XRCC5: variants seen among roughly 807,000 people sequenced by gnomAD.
XRCC5 encodes X-ray repair cross complementing 5, also known as DNA repair protein Ku80.
In XRCC5, 12 loss-of-function variants were observed where a neutral mutation model predicts 95.7. That is an observed-to-expected ratio of 0.13 (90% confidence interval 0.08 to 0.20). The LOEUF is 0.20. Among genes scored for constraint, XRCC5 ranks in the 10% least tolerant of loss-of-function variants. The pLI is 1.00. For synonymous variants in XRCC5, 281 were observed against 290.3 expected (o/e 0.97, Z 0.33); for missense variants, 595 against 873.9 (o/e 0.68, Z 4.02).
chr2:216,136,092 C>A (rs918028746), intron 10 of XRCC5, among the ~76,000 whole-genome samples: 1 of 152,094 alleles, frequency 6.6e-6, no homozygotes, highest in Non-Finnish European at 1.5e-5. Flanking sequence ...TGCGGTGGCT[C>A]ACGCCTGTAA....
intron 16 of XRCC5, among the ~76,000 whole-genome samples, chr2:216,167,064 T>C (rs1689066323): frequency 6.6e-6 from 1 of 152,160 alleles, no homozygotes; most frequent in African/African-American, 2.4e-5. Flanking sequence ...TGAATTCACT[T>C]GAGCCTGACT....
Position 216,113,813 on chromosome 2 carries a change from C to T in XRCC5, c.135+684C>T, listed in dbSNP as rs75228808. Among the ~76,000 whole-genome samples the T allele has an allele frequency of 1.5e-3, 234 of 152,350 alleles. 3 individuals carry two copies. The highest frequency in any genetic ancestry group is 5.5e-3 in the African/African-American group (228 of 41,582). ...TAGTTTCAATTTTCACATGAAGCAGCTGGTTCTAAGGAGTATCCCAAGAAT... is the reference window on the plus strand; with the variant it reads ...TAGTTTCAATTTTCACATGAAGCAGTTGGTTCTAAGGAGTATCCCAAGAAT... On this transcript the variant is annotated intron_variant, in intron 2 of 20. Coordinates refer to ENST00000392132, the MANE Select transcript of XRCC5 (RefSeq NM_021141.4).
intron 3 of XRCC5, 25 bp downstream of exon 3, chr2:216,116,867 C>A: frequency 6.2e-7 from 1 of 1,608,020 alleles, no homozygotes; most frequent in Non-Finnish European, 8.5e-7. Flanking sequence ...CCAGAGAAGA[C>A]TTTAAGAAAT....
At chr2:216,170,522 A>G (rs1419159364) in intron 16 of XRCC5, among the ~76,000 whole-genome samples, 3 of 152,110 alleles carry the variant, frequency 2.0e-5, no homozygotes, top group Non-Finnish European at 1.5e-5. Flanking sequence ...CTTTTAAACC[A>G]TGAGATATCA....
chr2:216,188,899 C>G (rs1271530367), intron 16 of XRCC5, among the ~76,000 whole-genome samples: 1 of 152,202 alleles, frequency 6.6e-6, no homozygotes, highest in Non-Finnish European at 1.5e-5. Flanking sequence ...TTTAATCCCT[C>G]AAGTTTGTTA....
rs546439865 is a variant in XRCC5 at position 216,122,766 on chromosome 2, A to C, written c.683+513A>C. Among the ~76,000 whole-genome samples, 95 of 151,756 alleles carry C rather than the reference A, an allele frequency of 6.3e-4. 1 individual carries two copies. In the South Asian group the frequency reaches 0.019, roughly 31 times the overall value. Reference sequence around the variant, plus strand: ...GTTTGATTGAGTGAAAAAAAAAAAAACCTGCAATGTAAAGAGTTCATAGCC... The same window carrying C: ...GTTTGATTGAGTGAAAAAAAAAAAACCCTGCAATGTAAAGAGTTCATAGCC... On this transcript the variant is annotated intron_variant, in intron 6 of 20. Transcript: ENST00000392132.
At chr2:216,187,861 T>TCCCCCCC (rs1553579201) in intron 16 of XRCC5, among the ~76,000 whole-genome samples, 2 of 116,286 alleles carry the variant, frequency 1.7e-5, no homozygotes, top group African/African-American at 8.4e-5. Context: ...TCTCTCTCTC[T>TCCCCCCC]CCCCGTCTCC....
At chr2:216,139,869 A>C (rs972823643) in intron 12 of XRCC5, among the ~76,000 whole-genome samples, 2 of 152,208 alleles carry the variant, frequency 1.3e-5, no homozygotes. Context: ...ATCACTCAGG[A>C]TCTGAAACAT....
chr2:216,146,149 G>A (rs1688628018), intron 13 of XRCC5, among the ~76,000 whole-genome samples: 1 of 152,168 alleles, frequency 6.6e-6, no homozygotes, highest in African/African-American at 2.4e-5. Flanking sequence ...AAAGAAGAAA[G>A]CAGGCATCAA....
chr2:216,149,718 T>TA (rs1468014388), intron 14 of XRCC5, among the ~76,000 whole-genome samples: 1 of 152,128 alleles, frequency 6.6e-6, no homozygotes, highest in Non-Finnish European at 1.5e-5. Flanking sequence ...ATTAGCTAGT[T>TA]AAAAAAGCAC....
chr2:216,169,499 G>A (rs1479986570), intron 16 of XRCC5, among the ~76,000 whole-genome samples: 1 of 152,212 alleles, frequency 6.6e-6, no homozygotes, highest in Admixed American at 6.5e-5. Flanking sequence ...TCAGCATCTG[G>A]TAGAGCTGCA....
At chr2:216,117,990 C>T (rs1469438411) in intron 4 of XRCC5, among the ~76,000 whole-genome samples, 196 bp downstream of exon 4, 2 of 152,090 alleles carry the variant, frequency 1.3e-5, no homozygotes, top group African/African-American at 4.8e-5. Flanking sequence ...GGGCTGTACT[C>T]GGTGATTATT....
chr2:216,133,127 AG>A (rs138821025), intron 10 of XRCC5, among the ~76,000 whole-genome samples: 4,727 of 152,294 alleles, frequency 0.031, 92 homozygotes, highest in Non-Finnish European at 0.049. Context: ...TTGCTGATAT[AG>A]TGGATGGGTA....
At chr2:216,195,345 TTTTTCTTTTCTTTTCTTTTC>T (rs10623248) in intron 19 of XRCC5, among the ~76,000 whole-genome samples, 4,320 of 125,248 alleles carry the variant, frequency 0.034, 238 homozygotes, top group African/African-American at 0.12. Flanking sequence ...GTTTTTCTTT[TTTTTCTTTTCTTTTCTTTTC>T]TTTTCTTTTC....
At chr2:216,119,220 G>C (rs757799180) in intron 5 of XRCC5, 55 bp downstream of exon 5, 70 of 1,599,018 alleles carry the variant, frequency 4.4e-5, no homozygotes, top group Non-Finnish European at 5.6e-5. Context: ...CTAATATAGT[G>C]AATGGGCCCT....
At chr2:216,111,521 CA>C (rs749444158) in intron 1 of XRCC5, 127 of 266,172 alleles carry the variant, frequency 4.8e-4, no homozygotes, top group South Asian at 6.7e-4. Context: ...GACCATGTCT[CA>C]AAAAAAAGGA....
At chr2:216,157,049 C>G (rs1688856532) in intron 14 of XRCC5, among the ~76,000 whole-genome samples, 1 of 152,132 alleles carries the variant, frequency 6.6e-6, no homozygotes, top group African/African-American at 2.4e-5. Context: ...AGCAGTGTGC[C>G]CAGCAACAAA....
chr2:216,116,429 C>T (rs986510973), intron 2 of XRCC5, among the ~76,000 whole-genome samples: 4 of 152,116 alleles, frequency 2.6e-5, no homozygotes, highest in African/African-American at 9.7e-5. Context: ...ATTTCCACAC[C>T]TCAACTTCTG....
rs1166340116 is a variant in XRCC5, at chr2:216,141,334, A to T, written c.1476+15A>T. Reference sequence around the variant, plus strand: ...GATTATTTCAGGTAAGAGAAGAAGGATGAACAAGTCATATTTCTTTTAAAT... The same window carrying T: ...GATTATTTCAGGTAAGAGAAGAAGGTTGAACAAGTCATATTTCTTTTAAAT... On this transcript the variant is annotated intron_variant, in intron 13 of 20. Transcript: ENST00000392132. The T allele has an allele frequency of 6.2e-7, 1 of 1,613,970 alleles. No homozygotes were observed. The highest frequency in any genetic ancestry group is 2.2e-5 in the East Asian group (1 of 44,866).
Sources: gnomAD v4.1 joint callset for allele counts (sites outside exome capture counted in the v4.1 genomes callset) on GRCh38, gnomAD v4.1.1 for gene constraint, MANE v1.5 for transcripts, NCBI Gene and HGNC (gene_info 2026-07-23, HGNC 2026-07-21) for gene names.